CES5A: variants seen among roughly 807,000 people sequenced by gnomAD.
The protein encoded by CES5A is carboxylesterase 5A, also known as carboxylesterase 5.
In CES5A, 67 loss-of-function variants were observed where a neutral mutation model predicts 62.9. The observed-to-expected ratio is 1.07, with a 90% confidence interval of 0.88 to 1.31. The LOEUF (loss-of-function observed/expected upper bound fraction) is 1.31, where lower values mean the gene tolerates loss of function less well. Among genes scored for constraint, CES5A ranks in the 50% most tolerant of loss-of-function variants. The pLI is 0.00. For synonymous variants in CES5A, 296 were observed against 280.8 expected, an observed-to-expected ratio of 1.05 and a Z score of -0.54; for missense variants, 748 against 708.5, an observed-to-expected ratio of 1.06 and a Z score of -0.63.
In CES5A at chr16:55,869,650, A is replaced by G. The variant is rs1280517417; in HGVS notation, c.512T>C (p.Val171Ala). 6.2e-7 allele frequency: 1 copy of G among 1,613,832 alleles called. No homozygotes were observed. Among genetic ancestry groups the G allele is most frequent in the East Asian group, 2.2e-5 (1 of 44,848 alleles). ...TATTCCTAGCCGGTACTGGACGACC[A>G]CAACCAGCACGTCCTCATAGGCAGC... ...ALAAYEDVLVVVVQYRLGIFG... is the reference protein window; with the variant it reads ...ALAAYEDVLVAVVQYRLGIFG... Residue 171 changes from valine (V) to alanine (A), a missense_variant, in exon 4 of 13, where the codon GTG becomes GCG. By Grantham distance (64) the Val-to-Ala change is moderately conservative. Transcript: ENST00000290567.
intron 1 of CES5A, among the ~76,000 whole-genome samples, chr16:55,905,797 G>A (rs1039565019): frequency 6.6e-6 from 1 of 152,152 alleles, no homozygotes; most frequent in Non-Finnish European, 1.5e-5. Context: ...AGTTGCTGAC[G>A]CAAAGTCCTC....
rs2033159917 is a variant in CES5A at position 55,852,872 on chromosome 16, G to A, written c.1273+9C>T. 22 of 1,610,492 alleles carry A rather than the reference G, an allele frequency of 1.4e-5. No homozygotes were observed. Among genetic ancestry groups the A allele is most frequent in the Non-Finnish European group, 1.9e-5 (22 of 1,178,142 alleles). ...CTATGGTCCTGGAGCGGGATGCTCA[G>A]ATACTCACCTCTGTGATATCGAGCT... On this transcript the variant is annotated intron_variant, in intron 10 of 12. Coordinates refer to ENST00000290567, the MANE Select transcript of CES5A (RefSeq NM_001143685.2).
intron 1 of CES5A, among the ~76,000 whole-genome samples, chr16:55,882,110 G>A (rs2033767833): frequency 6.6e-6 from 1 of 152,102 alleles, no homozygotes; most frequent in South Asian, 2.1e-4. Context: ...TCCCTTACTA[G>A]ATCTTTCCAG....
chr16:55,947,104 A>G (rs2034503649), intron 2 of CES5A, among the ~76,000 whole-genome samples: 1 of 152,230 alleles, frequency 6.6e-6, no homozygotes, highest in Admixed American at 6.5e-5. Context: ...TGCAGGTGGG[A>G]TGACACCTGG....
chr16:55,908,401 C>T (rs1597145101), intron 1 of CES5A, among the ~76,000 whole-genome samples: 3 of 152,150 alleles, frequency 2.0e-5, no homozygotes, highest in Admixed American at 2.0e-4. Flanking sequence ...CTCTTGTTGC[C>T]CAGGCTGGAG....
upstream of CES5A, among the ~76,000 whole-genome samples, chr16:55,925,659 A>C (rs1597152508): frequency 6.6e-6 from 1 of 152,162 alleles, no homozygotes. Context: ...TGATATATAC[A>C]CACAATGAAA....
At chr16:55,935,524 C>T (rs138202337) in intron 2 of CES5A, among the ~76,000 whole-genome samples, 12 of 152,254 alleles carry the variant, frequency 7.9e-5, no homozygotes, top group Admixed American at 2.0e-4. Flanking sequence ...CAAGTTGACA[C>T]GTAAAATTAA....
intron 2 of CES5A, among the ~76,000 whole-genome samples, chr16:55,934,684 G>T (rs1041575251): frequency 1.3e-5 from 2 of 152,094 alleles, no homozygotes; most frequent in Non-Finnish European, 2.9e-5. Context: ...GTGTGCGCGT[G>T]TGCATGTGCA....
chr16:55,929,801 G>A (rs936015412), upstream of CES5A, among the ~76,000 whole-genome samples: 1 of 152,130 alleles, frequency 6.6e-6, no homozygotes, highest in African/African-American at 2.4e-5. Flanking sequence ...ACGATGGAAT[G>A]TTTTTTGCAT....
intron 8 of CES5A, among the ~76,000 whole-genome samples, chr16:55,857,286 G>C (rs1354691590): frequency 6.6e-6 from 1 of 152,192 alleles, no homozygotes; most frequent in African/African-American, 2.4e-5. Context: ...AGAACTGAGC[G>C]AGTTGATATT....
intron 1 of CES5A, 114 bp downstream of exon 1, chr16:55,875,035 C>T: frequency 9.6e-7 from 1 of 1,042,738 alleles, no homozygotes; most frequent in Admixed American, 1.7e-5. Flanking sequence ...CAAAGTACTA[C>T]ATAGCTCTCC....
chr16:55,926,660 G>A (rs1187941723), upstream of CES5A, among the ~76,000 whole-genome samples: 1 of 152,222 alleles, frequency 6.6e-6, no homozygotes, highest in Non-Finnish European at 1.5e-5. Context: ...AGAGAAATGA[G>A]CAGGAATATT....
intron 1 of CES5A, among the ~76,000 whole-genome samples, chr16:55,917,144 T>A (rs546376187): frequency 1.3e-5 from 2 of 152,324 alleles, no homozygotes; most frequent in Admixed American, 6.5e-5. Flanking sequence ...ACTTTAATCA[T>A]CTTATCCAGT....
chr16:55,859,713 A>G lies in CES5A; in HGVS notation c.916-26T>C, dbSNP rs761674937. 3.7e-5 allele frequency: 58 copies of G among 1,579,778 alleles called. No homozygotes were observed. The Middle Eastern group carries it at 5.1e-4, about 14-fold the overall frequency. On this transcript the variant is annotated intron_variant, in intron 7 of 12. Coordinates refer to ENST00000290567, the MANE Select transcript of CES5A (RefSeq NM_001143685.2). ...CTGTAATAAGGAAGAAAAAAAAATCATCAGCTATCATCAGCTATTTCTGTT... is the reference window on the plus strand; with the variant it reads ...CTGTAATAAGGAAGAAAAAAAAATCGTCAGCTATCATCAGCTATTTCTGTT...
intron 2 of CES5A, among the ~76,000 whole-genome samples, chr16:55,873,630 T>C (rs999296174): frequency 6.6e-6 from 1 of 152,208 alleles, no homozygotes; most frequent in Admixed American, 6.5e-5. Context: ...AATCTGTATA[T>C]TTTTAAAGAT....
At chr16:55,853,433 C>G (rs1292031051) in intron 9 of CES5A, among the ~76,000 whole-genome samples, 1 of 152,180 alleles carries the variant, frequency 6.6e-6, no homozygotes, top group African/African-American at 2.4e-5. Context: ...AACAGCGGAG[C>G]ACTAAACCAA....
chr16:55,859,973 G>A (rs558525785), intron 7 of CES5A, among the ~76,000 whole-genome samples: 6 of 152,290 alleles, frequency 3.9e-5, no homozygotes, highest in African/African-American at 1.4e-4. Context: ...CTGTTATATG[G>A]TTTGGCTGTG....
chr16:55,941,619 T>C (rs1212684992), intron 2 of CES5A, among the ~76,000 whole-genome samples: 4 of 152,102 alleles, frequency 2.6e-5, no homozygotes, highest in Admixed American at 1.3e-4. Flanking sequence ...AAGTGGACTT[T>C]CGAATTTATA....
At chr16:55,877,764 T>A (rs891292249), upstream of CES5A, among the ~76,000 whole-genome samples, 1 of 152,172 alleles carries the variant, frequency 6.6e-6, no homozygotes, top group Non-Finnish European at 1.5e-5. Flanking sequence ...ATGTGATTAG[T>A]CTCATTTTGT....
Sources: gnomAD v4.1 joint callset for allele counts (sites outside exome capture counted in the v4.1 genomes callset) on GRCh38, gnomAD v4.1.1 for gene constraint, MANE v1.5 for transcripts, NCBI Gene and HGNC (gene_info 2026-07-23, HGNC 2026-07-21) for gene names.